The following FGF21 variants were observed in gnomAD, a reference collection of about 807,000 sequenced individuals.
FGF21 encodes fibroblast growth factor 21.
Under a neutral mutation model 13.4 loss-of-function variants are expected in FGF21, and 13 were observed. That is an observed-to-expected ratio of 0.97 (90% CI 0.63 to 1.54). The LOEUF is 1.54. Among genes scored for constraint, FGF21 ranks in the 40% most tolerant of loss-of-function variants. The pLI is 0.00. For synonymous variants in FGF21, 124 were observed against 123.6 expected, an observed-to-expected ratio of 1.00 and a Z score of -0.02; for missense variants, 303 against 272.4, an observed-to-expected ratio of 1.11 and a Z score of -0.79.
chr19:48,756,369 C>A lies in FGF21; in HGVS notation c.133C>A (p.Arg45=), dbSNP rs551483904. 1.7e-4 allele frequency: 276 copies of A among 1,614,028 alleles called. 1 individual carries two copies. In the South Asian group the frequency reaches 2.9e-3, roughly 17 times the overall value. The change falls in exon 2 of 4, where the codon CGG becomes AGG. Residue 45 remains arginine, a synonymous_variant. Coordinates refer to ENST00000593756, the MANE Select transcript of FGF21 (RefSeq NM_019113.4). The part of the protein sequence containing the change: ...SPLLQFGGQV[R]QRYLYTDDAQ... Reference sequence around the variant, plus strand: ...TCTCCTGCAATTCGGGGGCCAAGTCCGGCAGCGGTACCTCTACACAGATGA... The same window carrying A: ...TCTCCTGCAATTCGGGGGCCAAGTCAGGCAGCGGTACCTCTACACAGATGA...
At position 48,758,114 on chromosome 19, in the gene FGF21, C is replaced by G. The variant is rs374311260; in HGVS notation, c.524C>G (p.Pro175Arg). The G allele has an allele frequency of 6.2e-7, 1 of 1,611,106 alleles. No homozygotes were observed. The change falls in exon 4 of 4, where the codon CCG becomes CGG. Residue 175 changes from proline to arginine, a missense_variant. By Grantham distance (103) the Pro-to-Arg change is moderately radical. Transcript: ENST00000593756. ...LPLPGLPPAL[P>R]EPPGILAPQP... ...CTACCAGGCCTGCCCCCCGCACTCC[C>G]GGAGCCACCCGGAATCCTGGCCCCC...
rs999585309 is a variant in FGF21 at position 48,755,914 on chromosome 19, G to C, written c.-323G>C. On this transcript the variant is annotated 5_prime_UTR_variant, in exon 2 of 4. It removes the in-frame stop codon of an upstream open reading frame in the 5' UTR. Transcript: ENST00000593756. ...AGACCCAGGAGTCTGGCCCTCCATT[G>C]AAAGGACCCCAGGTTACATCATCCA... 7 of 268,520 alleles carry C rather than the reference G, an allele frequency of 2.6e-5. No homozygotes were observed. In the Admixed American group the frequency reaches 3.5e-4, roughly 13 times the overall value. 16.6% of individuals were successfully genotyped at this position (268,520 alleles called of 1,614,324 possible). A position where few individuals can be genotyped will look rare whatever the true frequency, so the allele number is the denominator to read the frequency against.
Position 48,758,313 on chromosome 19 carries a change from A to C in FGF21, c.*93A>C. ...ATTTTTCTTACTTGAGATAATAAAG[A>C]GTTCCAGAGGAGGATAAGAATGAGC... On this transcript the variant is annotated 3_prime_UTR_variant, in exon 4 of 4. Coordinates refer to ENST00000593756, the MANE Select transcript of FGF21 (RefSeq NM_019113.4). The C allele has an allele frequency of 8.3e-7, 1 of 1,209,480 alleles. No individual in the cohort carries two copies. Among genetic ancestry groups the C allele is most frequent in the Non-Finnish European group, 1.1e-6 (1 of 893,388 alleles). The allele number at this position is 1,209,480 out of a possible 1,614,324, so 74.9% of individuals were successfully genotyped here.
chr19:48,757,788 G>A lies in FGF21; in HGVS notation c.340-142G>A, dbSNP rs1178320866. On this transcript the variant is annotated intron_variant, in intron 3 of 3. Coordinates refer to ENST00000593756, the MANE Select transcript of FGF21 (RefSeq NM_019113.4). ...TGGGTCGGATGGAGGAGAAACTAGGGTCTGGACCCCTGGGTCTGAGGGAGG... is the reference window on the plus strand; with the variant it reads ...TGGGTCGGATGGAGGAGAAACTAGGATCTGGACCCCTGGGTCTGAGGGAGG... The A allele has an allele frequency of 6.9e-6, 5 of 727,892 alleles. No homozygotes were observed. In the Admixed American group the frequency reaches 1.1e-4, roughly 16 times the overall value. The allele number at this position is 727,892 out of a possible 1,614,324, so 45.1% of individuals were successfully genotyped here. A position where few individuals can be genotyped will look rare whatever the true frequency, so the allele number is the denominator to read the frequency against.
In FGF21 at chr19:48,756,967, A is replaced by G; in HGVS notation, c.277A>G (p.Ile93Val). The G allele has an allele frequency of 6.2e-7, 1 of 1,614,014 alleles. No individual in the cohort carries two copies. Reference sequence around the variant, plus strand: ...AGCCTTGAAGCCGGGAGTTATTCAAATCTTGGGAGTCAAGACATCCAGGTT... The same window carrying G: ...AGCCTTGAAGCCGGGAGTTATTCAAGTCTTGGGAGTCAAGACATCCAGGTT... ...LKALKPGVIQ[I>V]LGVKTSRFLC... The change falls in exon 3 of 4, where the codon ATC (isoleucine) becomes GTC (valine). Residue 93 changes from isoleucine to valine, a missense_variant. By Grantham distance (29) the Ile-to-Val change is conservative. Transcript: ENST00000593756.
intron 3 of FGF21, 67 bp downstream of exon 3, chr19:48,757,096 G>T (rs1599771041): frequency 7.8e-7 from 1 of 1,278,514 alleles, no homozygotes; most frequent in South Asian, 1.2e-5. Context: ...ACAGCCTGGG[G>T]TGCCTTGTCT....
At position 48,758,112 on chromosome 19, in the gene FGF21, CCCGGAGCCACCCGGAA is replaced by C; in HGVS notation, c.523_538del (p.Pro175SerfsTer15). The C allele has an allele frequency of 6.2e-7, 1 of 1,611,194 alleles. No homozygotes were observed. ...CACTACCAGGCCTGCCCCCCGCACT[CCCGGAGCCACCCGGAA>C]TCCTGGCCCCCCAGCCCCCCGATGT... is the stretch of plus-strand genomic sequence containing the variant. On this transcript the variant is annotated frameshift_variant, in exon 4 of 4. Coordinates refer to ENST00000593756, the MANE Select transcript of FGF21 (RefSeq NM_019113.4). LOFTEE classifies it low-confidence loss of function (END_TRUNC).
At position 48,756,195 on chromosome 19, in the gene FGF21, C is replaced by A; in HGVS notation, c.-42C>A. 1 of 1,561,212 alleles carries A rather than the reference C, an allele frequency of 6.4e-7. No homozygotes were observed. The highest frequency in any genetic ancestry group is 8.8e-7 in the Non-Finnish European group (1 of 1,139,908). On this transcript the variant is annotated 5_prime_UTR_variant, in exon 2 of 4. Coordinates refer to ENST00000593756, the MANE Select transcript of FGF21 (RefSeq NM_019113.4). ...CCAATTCTAAACCACTCAGCTTCTCCGAGCTCACACCCCGGAGATCACCTG... is the reference window on the plus strand; with the variant it reads ...CCAATTCTAAACCACTCAGCTTCTCAGAGCTCACACCCCGGAGATCACCTG...
chr19:48,756,325 C>G lies in FGF21; in HGVS notation c.89C>G (p.Pro30Arg). The G allele has an allele frequency of 6.2e-7, 1 of 1,614,084 alleles. No homozygotes were observed. The highest frequency in any genetic ancestry group is 8.5e-7 in the Non-Finnish European group (1 of 1,180,036). ...CTGCTGGGAGCCTGCCAGGCACACC[C>G]CATCCCTGACTCCAGTCCTCTCCTG... is the stretch of plus-strand genomic sequence containing the variant. ...GLLLGACQAH[P>R]IPDSSPLLQF... The change falls in exon 2 of 4, where the codon CCC becomes CGC. Residue 30 changes from proline to arginine, a missense_variant. Physicochemically the swap from Pro to Arg is moderately radical, Grantham distance 103 (BLOSUM62 -2). Coordinates refer to ENST00000593756, the MANE Select transcript of FGF21 (RefSeq NM_019113.4).
At chr19:48,756,690 G>A (rs1188870538) in intron 2 of FGF21, among the ~76,000 whole-genome samples, 3 of 151,676 alleles carry the variant, frequency 2.0e-5, no homozygotes, top group Non-Finnish European at 1.5e-5. Flanking sequence ...TGAGGGAGGA[G>A]GGGCTGGGGG....
Position 48,758,053 on chromosome 19 carries a change from G to C in FGF21, c.463G>C (p.Asp155His). 1 of 1,613,288 alleles carries C rather than the reference G, an allele frequency of 6.2e-7. No homozygotes were observed. The highest frequency in any genetic ancestry group is 8.5e-7 in the Non-Finnish European group (1 of 1,179,786). ...GCCAGGGAACAAGTCCCCACACCGG[G>C]ACCCTGCACCCCGAGGACCAGCTCG... ...HLPGNKSPHRDPAPRGPARFL... is the reference protein window; with the variant it reads ...HLPGNKSPHRHPAPRGPARFL... Residue 155 changes from aspartate to histidine, a missense_variant, in exon 4 of 4, where the codon GAC becomes CAC. Coordinates refer to ENST00000593756, the MANE Select transcript of FGF21 (RefSeq NM_019113.4).
chr19:48,758,146 C>T lies in FGF21; in HGVS notation c.556C>T (p.Pro186Ser), dbSNP rs758694383. The stretch of plus-strand genomic sequence containing the variant: ...ACCCGGAATCCTGGCCCCCCAGCCC[C>T]CCGATGTGGGCTCCTCGGACCCTCT... Reference protein sequence around the residue: ...EPPGILAPQPPDVGSSDPLSM... With the variant: ...EPPGILAPQPSDVGSSDPLSM... Residue 186 changes from proline to serine, a missense_variant, in exon 4 of 4, where the codon CCC becomes TCC. Pro to Ser is a moderately conservative substitution (Grantham distance 74). Transcript: ENST00000593756. The T allele has an allele frequency of 6.2e-7, 1 of 1,611,964 alleles. No individual in the cohort carries two copies. The highest frequency in any genetic ancestry group is 1.1e-5 in the South Asian group (1 of 91,000).
chr19:48,757,883 C>A, intron 3 of FGF21, 47 bp from the exon 4 acceptor site: 1 of 1,503,730 alleles, frequency 6.7e-7, no homozygotes, highest in Non-Finnish European at 8.9e-7. Context: ...GGTCTTACAT[C>A]AGGAAAACAG....
rs375892369 is a variant in FGF21 at position 48,758,002 on chromosome 19, G to A, written c.412G>A (p.Glu138Lys). Reference protein sequence around the residue: ...LEDGYNVYQSEAHGLPLHLPG... With the variant: ...LEDGYNVYQSKAHGLPLHLPG... ...GGACGGATACAATGTTTACCAGTCC[G>A]AAGCCCACGGCCTCCCGCTGCACCT... Residue 138 changes from glutamate (E) to lysine (K), a missense_variant, in exon 4 of 4, where the codon GAA becomes AAA. Glu to Lys is a moderately conservative substitution (Grantham distance 56). Coordinates refer to ENST00000593756, the MANE Select transcript of FGF21 (RefSeq NM_019113.4). 8.1e-6 allele frequency: 13 copies of A among 1,612,310 alleles called. No homozygotes were observed. Among genetic ancestry groups the A allele is most frequent in the African/African-American group, 2.7e-5 (2 of 74,852 alleles).
rs375892369 is a variant in FGF21, at chr19:48,758,002, G to C, written c.412G>C (p.Glu138Gln). The C allele has an allele frequency of 8.1e-6, 13 of 1,612,310 alleles. 1 individual carries two copies. The South Asian group carries it at 1.4e-4, about 18-fold the overall frequency. ...GGACGGATACAATGTTTACCAGTCC[G>C]AAGCCCACGGCCTCCCGCTGCACCT... ...LEDGYNVYQS[E>Q]AHGLPLHLPG... Residue 138 changes from glutamate to glutamine, a missense_variant, in exon 4 of 4, where the codon GAA (glutamate) becomes CAA (glutamine). Glu to Gln is a conservative substitution (Grantham distance 29). Transcript: ENST00000593756.
intron 3 of FGF21, 94 bp from the exon 4 acceptor site, chr19:48,757,835 CT>C: frequency 7.9e-7 from 1 of 1,265,406 alleles, no homozygotes; most frequent in Non-Finnish European, 1.1e-6. Flanking sequence ...GCCTGGACCC[CT>C]GGGTCTGAGG....
chr19:48,757,166 C>A, intron 3 of FGF21, 137 bp downstream of exon 3: 1 of 665,726 alleles, frequency 1.5e-6, no homozygotes, highest in Non-Finnish European at 2.6e-6. Context: ...CCAGCTGCAA[C>A]ATTTGGAGGT....
In FGF21 at chr19:48,756,464, C is replaced by G; in HGVS notation, c.228C>G (p.Ser76Arg). 1 of 1,612,206 alleles carries G rather than the reference C, an allele frequency of 6.2e-7. No individual in the cohort carries two copies. Among genetic ancestry groups the G allele is most frequent in the South Asian group, 1.1e-5 (1 of 90,934 alleles). Residue 76 changes from serine to arginine, a missense_variant, in exon 2 of 4, where the codon AGC (serine) becomes AGG (arginine). Physicochemically the swap from Ser to Arg is moderately radical, Grantham distance 110. Coordinates refer to ENST00000593756, the MANE Select transcript of FGF21 (RefSeq NM_019113.4). Reference sequence around the variant, plus strand: ...CGGTGGGGGGCGCTGCTGACCAGAGCCCCGAAAGTGAGTGTGGGCCAGAGC... The same window carrying G: ...CGGTGGGGGGCGCTGCTGACCAGAGGCCCGAAAGTGAGTGTGGGCCAGAGC... ...DGTVGGAADQ[S>R]PESLLQLKAL...
In FGF21 at chr19:48,756,380, C is replaced by G; in HGVS notation, c.144C>G (p.Tyr48Ter). The change falls in exon 2 of 4, where the codon TAC becomes TAG. Residue 48 changes from tyrosine to a stop codon, truncating the protein, a stop_gained. Transcript: ENST00000593756. LOFTEE classifies it high-confidence loss of function. The stretch of plus-strand genomic sequence containing the variant: ...TCGGGGGCCAAGTCCGGCAGCGGTA[C>G]CTCTACACAGATGATGCCCAGCAGA... ...LQFGGQVRQR[Y>*]LYTDDAQQTE... is the part of the protein sequence containing the mutation. The G allele has an allele frequency of 6.2e-7, 1 of 1,614,026 alleles. No homozygotes were observed. The highest frequency in any genetic ancestry group is 8.5e-7 in the Non-Finnish European group (1 of 1,180,028).
Sources: gnomAD v4.1 joint callset for allele counts (sites outside exome capture counted in the v4.1 genomes callset) on GRCh38, gnomAD v4.1.1 for gene constraint, MANE v1.5 for transcripts, NCBI Gene and HGNC (gene_info 2026-07-23, HGNC 2026-07-21) for gene names.